SYNPO2: variants seen among roughly 807,000 people sequenced by gnomAD.
The protein encoded by SYNPO2 is synaptopodin 2.
In SYNPO2, 56 loss-of-function variants were observed where a neutral mutation model predicts 85.0. That is an observed-to-expected ratio of 0.66 (90% CI 0.53 to 0.82). The LOEUF (loss-of-function observed/expected upper bound fraction) is 0.82, where lower values mean the gene tolerates loss of function less well. Ranked by LOEUF, SYNPO2 falls within the 40% of genes least tolerant of loss-of-function variation. The probability of loss-of-function intolerance (pLI) is 0.00; values close to 1 mark genes in which losing one functional copy is unlikely to be tolerated. For synonymous variants in SYNPO2, 602 were observed against 591.1 expected (o/e 1.02, Z -0.27); for missense variants, 1,575 against 1,534.2 (o/e 1.03, Z -0.44).
chr4:119,022,839 C>A (rs946349079), intron 1 of SYNPO2, among the ~76,000 whole-genome samples: 1 of 149,536 alleles, frequency 6.7e-6, no homozygotes, highest in African/African-American at 2.5e-5. Context: ...TACAATGGTG[C>A]GATATTGGCT....
intron 1 of SYNPO2, among the ~76,000 whole-genome samples, chr4:118,896,176 C>CT (rs1266896663): frequency 6.6e-6 from 1 of 152,154 alleles, no homozygotes; most frequent in Non-Finnish European, 1.5e-5. Flanking sequence ...ATTGCAATGA[C>CT]TTTAATACAG....
chr4:119,057,831 A>G lies in SYNPO2; in HGVS notation c.3683A>G (p.Asn1228Ser), dbSNP rs113944303. Residue 1228 changes from asparagine (N) to serine (S), a missense_variant, in exon 5 of 5, where the codon AAT (asparagine) becomes AGT (serine). Physicochemically the swap from Asn to Ser is conservative, Grantham distance 46. Transcript: ENST00000307142. ...PYAYYRQASR[N>S]DSAIMSMETR... ...GCATATTATAGGCAGGCTTCAAGAA[A>G]TGATTCTGCAATCATGTCCATGGAA... The G allele has an allele frequency of 1.2e-5, 20 of 1,614,080 alleles. No individual in the cohort carries two copies. Among genetic ancestry groups the G allele is most frequent in the African/African-American group, 8.0e-5 (6 of 75,030 alleles).
intron 1 of SYNPO2, among the ~76,000 whole-genome samples, chr4:118,875,178 G>T (rs748689378): frequency 1.2e-4 from 18 of 152,282 alleles, no homozygotes; most frequent in South Asian, 6.2e-4. Context: ...TCCTTGCAAA[G>T]GACATGATAT....
At chr4:118,948,510 A>T (rs1734580553) in intron 1 of SYNPO2, among the ~76,000 whole-genome samples, 1 of 152,132 alleles carries the variant, frequency 6.6e-6, no homozygotes, top group African/African-American at 2.4e-5. Flanking sequence ...CTGAGGCTGG[A>T]TAATTTATAA....
Position 119,023,059 on chromosome 4 carries a change from A to G in SYNPO2, c.106-371A>G, listed in dbSNP as rs535687856. Among the ~76,000 whole-genome samples the G allele has an allele frequency of 7.9e-5, 12 of 152,310 alleles. No homozygotes were observed. The South Asian group carries it at 1.9e-3, about 24-fold the overall frequency. On this transcript the variant is annotated intron_variant, in intron 1 of 4. Transcript: ENST00000307142. ...CCAAAGTGCTGGGATTACAGGCATA[A>G]GCCACCACGCCTGGCCTGAATAATT...
At position 119,031,171 on chromosome 4, in the gene SYNPO2, A is replaced by T. The variant is rs573930944; in HGVS notation, c.2396A>T (p.Lys799Met). Residue 799 changes from lysine to methionine, a missense_variant, in exon 4 of 5, where the codon AAG (lysine) becomes ATG (methionine). By Grantham distance (95) the Lys-to-Met change is moderately conservative. This residue lies in a region of SYNPO2 where 1,508 missense variants were observed against 1,446.8 expected (regional missense o/e 1.04). Transcript: ENST00000307142. ...GCCTTCCCCACATCCAACCCATCAA[A>T]GGGCACCGTTGTCTCCTCCATCAAA... ...PPAFPTSNPS[K>M]GTVVSSIKIA... 5 of 1,614,008 alleles carry T rather than the reference A, an allele frequency of 3.1e-6. No homozygotes were observed. The Admixed American group carries it at 8.3e-5, about 27-fold the overall frequency.
chr4:119,026,556 G>A, intron 2 of SYNPO2, 71 bp from the exon 3 acceptor site: 5 of 1,467,884 alleles, frequency 3.4e-6, no homozygotes, highest in Non-Finnish European at 4.6e-6. Flanking sequence ...CATCACAAAA[G>A]TGTCAGGAAG....
At chr4:118,975,560 C>A (rs886328721) in intron 1 of SYNPO2, among the ~76,000 whole-genome samples, 3 of 152,094 alleles carry the variant, frequency 2.0e-5, no homozygotes, top group African/African-American at 7.2e-5. Flanking sequence ...GGACTTTCAC[C>A]CCCAGGAAGG....
At chr4:118,952,210 T>G (rs1275382050) in intron 1 of SYNPO2, among the ~76,000 whole-genome samples, 1 of 152,214 alleles carries the variant, frequency 6.6e-6, no homozygotes, top group African/African-American at 2.4e-5. Context: ...AGACGATGTA[T>G]GCAATCTGTC....
intron 1 of SYNPO2, among the ~76,000 whole-genome samples, chr4:118,959,021 A>T (rs953071662): frequency 6.6e-6 from 1 of 152,168 alleles, no homozygotes; most frequent in African/African-American, 2.4e-5. Context: ...GTATATTTCT[A>T]TTCAAAGGAT....
chr4:118,980,441 T>A lies in SYNPO2; in HGVS notation c.106-42989T>A, dbSNP rs1401599299. On this transcript the variant is annotated intron_variant, in intron 1 of 4. Transcript: ENST00000307142. ...TGCTTGGCAAGGTCTACCTAGATCC[T>A]TCCTTGGCCTGCATCCTCCTGGGAG... Among the ~76,000 whole-genome samples the A allele has an allele frequency of 7.9e-5, 12 of 152,178 alleles. No homozygotes were observed. In the East Asian group the frequency reaches 2.1e-3, roughly 27 times the overall value.
chr4:119,007,283 CATAT>C (rs1183044902), intron 1 of SYNPO2, among the ~76,000 whole-genome samples: 9 of 39,756 alleles, frequency 2.3e-4, no homozygotes, highest in African/African-American at 6.1e-4. Context: ...TATGTATATA[CATAT>C]ATATATATAT....
At chr4:118,863,394 T>C (rs1341747264) in intron 1 of SYNPO2, among the ~76,000 whole-genome samples, 1 of 152,202 alleles carries the variant, frequency 6.6e-6, no homozygotes, top group Non-Finnish European at 1.5e-5. Flanking sequence ...GTAGGTTGTA[T>C]GTGTCTAGGA....
chr4:118,854,144 G>A (rs182760553), intron 1 of SYNPO2, among the ~76,000 whole-genome samples: 1 of 152,206 alleles, frequency 6.6e-6, no homozygotes, highest in Admixed American at 6.5e-5. Context: ...ATCCAGCAAT[G>A]GAACATAACT....
At chr4:118,955,797 G>A (rs1227603489) in intron 1 of SYNPO2, among the ~76,000 whole-genome samples, 1 of 152,032 alleles carries the variant, frequency 6.6e-6, no homozygotes, top group African/African-American at 2.4e-5. Context: ...TGTCTGAAGA[G>A]GTCAAGAACA....
Position 119,023,569 on chromosome 4 carries a change from T to A in SYNPO2, c.245T>A (p.Met82Lys). The A allele has an allele frequency of 6.2e-7, 1 of 1,612,718 alleles. No homozygotes were observed. Among genetic ancestry groups the A allele is most frequent in the Non-Finnish European group, 8.5e-7 (1 of 1,179,352 alleles). The change falls in exon 2 of 5, where the codon ATG becomes AAG. Residue 82 changes from methionine (M) to lysine (K), a missense_variant. Coordinates refer to ENST00000307142, the MANE Select transcript of SYNPO2 (RefSeq NM_133477.3). ...GAAAGCATAACAGACTCTCTCCAAA[T>A]GCTCATCAAAAGGTACAACAGATTT... ...LMESITDSLQ[M>K]LIKRPSSGIS...
At chr4:118,878,853 G>A (rs555803632) in intron 1 of SYNPO2, among the ~76,000 whole-genome samples, 4 of 152,212 alleles carry the variant, frequency 2.6e-5, no homozygotes, top group African/African-American at 9.7e-5. Context: ...AGCCAGCAGA[G>A]GCACCCACTC....
Position 119,031,019 on chromosome 4 carries a change from C to T in SYNPO2, c.2244C>T (p.Ser748=). 6.2e-7 allele frequency: 1 copy of T among 1,614,062 alleles called. No homozygotes were observed. Among genetic ancestry groups the T allele is most frequent in the African/African-American group, 1.3e-5 (1 of 74,994 alleles). ...LGAEACNFMQ[S]SSAKQKTPPP... is the part of the protein sequence containing the mutation. ...CAGAGGCTTGTAATTTCATGCAAAG[C>T]TCCTCTGCCAAACAAAAGACCCCTC... is the stretch of plus-strand genomic sequence containing the variant. Residue 748 remains serine (S), a synonymous_variant, in exon 4 of 5, where the codon AGC becomes AGT. Transcript: ENST00000307142.
At chr4:118,895,499 C>T (rs755081847) in intron 1 of SYNPO2, among the ~76,000 whole-genome samples, 9 of 152,092 alleles carry the variant, frequency 5.9e-5, no homozygotes, top group South Asian at 2.1e-4. Flanking sequence ...TGGTTTCTTC[C>T]GGGAGAGCTA....
Sources: gnomAD v4.1 joint callset for allele counts (sites outside exome capture counted in the v4.1 genomes callset) on GRCh38, gnomAD v4.1.1 for gene constraint, gnomAD v4.1.1 regional missense constraint, MANE v1.5 for transcripts, NCBI Gene and HGNC (gene_info 2026-07-23, HGNC 2026-07-21) for gene names.